Variants in KCNJ3 observed in about 807,000 individuals in gnomAD.
The protein encoded by KCNJ3 is potassium inwardly rectifying channel subfamily J member 3.
KCNJ3 carries 4 observed loss-of-function variants against 39.2 expected under a neutral mutation model. That is an observed-to-expected ratio of 0.10 (90% CI 0.05 to 0.23). KCNJ3 has a LOEUF of 0.23. Ranked by LOEUF, KCNJ3 falls within the 10% of genes least tolerant of loss-of-function variation. The pLI, the probability that KCNJ3 is intolerant of heterozygous loss-of-function variation, is 1.00. For synonymous variants in KCNJ3, 230 were observed against 237.4 expected, an observed-to-expected ratio of 0.97 and a Z score of 0.29; for missense variants, 276 against 634.9, an observed-to-expected ratio of 0.43 and a Z score of 6.08.
chr2:154,762,309 G>A (rs1198302978), intron 2 of KCNJ3, among the ~76,000 whole-genome samples: 2 of 152,198 alleles, frequency 1.3e-5, no homozygotes, highest in East Asian at 3.8e-4. Context: ...TTAATATTAT[G>A]TATCAAATAA....
chr2:154,731,501 C>T (rs964444415), intron 2 of KCNJ3, among the ~76,000 whole-genome samples: 1 of 151,602 alleles, frequency 6.6e-6, no homozygotes, highest in African/African-American at 2.4e-5. Flanking sequence ...CTGAAATGTA[C>T]AAGTTATGTA....
intron 2 of KCNJ3, among the ~76,000 whole-genome samples, chr2:154,728,018 T>A (rs1685389387): frequency 6.6e-6 from 1 of 151,756 alleles, no homozygotes; most frequent in Non-Finnish European, 1.5e-5. Context: ...TGAAGTTCCA[T>A]AATGTGAAAA....
intron 2 of KCNJ3, among the ~76,000 whole-genome samples, chr2:154,801,790 C>G (rs1665141641): frequency 6.6e-6 from 1 of 151,974 alleles, no homozygotes; most frequent in South Asian, 2.1e-4. Context: ...CCACACCTGG[C>G]TAATTTTTGT....
At chr2:154,790,443 C>T (rs1403237631) in intron 2 of KCNJ3, among the ~76,000 whole-genome samples, 1 of 152,022 alleles carries the variant, frequency 6.6e-6, no homozygotes, top group African/African-American at 2.4e-5. Context: ...CTCTTACATA[C>T]TTATTCTGAA....
At chr2:154,781,734 C>G (rs1686442198) in intron 2 of KCNJ3, among the ~76,000 whole-genome samples, 1 of 152,052 alleles carries the variant, frequency 6.6e-6, no homozygotes, top group African/African-American at 2.4e-5. Context: ...TTTTTACTTG[C>G]CCGAACCATT....
rs62170777 is a variant in KCNJ3, at chr2:154,700,794, A to C, written c.702+1317A>C. 7.8e-3 allele frequency among the ~76,000 whole-genome samples: 1,186 copies of C among 152,292 alleles called. 6 individuals are homozygous for C. Among genetic ancestry groups the C allele is most frequent in the Non-Finnish European group, 0.013 (894 of 68,020 alleles). The stretch of plus-strand genomic sequence containing the variant: ...ATCTTACCATAATTATCCTTGACCA[A>C]GTTGCTCAGTAAAGTGTTTAAATTA... On this transcript the variant is annotated intron_variant, in intron 1 of 2. Coordinates refer to ENST00000295101, the MANE Select transcript of KCNJ3 (RefSeq NM_002239.4).
intron 2 of KCNJ3, among the ~76,000 whole-genome samples, chr2:154,756,604 AGTGAGAACTT>A (rs1006346131): frequency 4.9e-4 from 71 of 145,250 alleles, no homozygotes; most frequent in Non-Finnish European, 3.0e-4. Context: ...CCCACTTATT[AGTGAGAACTT>A]GTGGTGTTTG....
chr2:154,743,086 A>T (rs1032503931), intron 2 of KCNJ3, among the ~76,000 whole-genome samples: 1 of 151,632 alleles, frequency 6.6e-6, no homozygotes, highest in African/African-American at 2.4e-5. Flanking sequence ...TTACATGTGG[A>T]TATCAGGTTT....
chr2:154,784,573 G>A (rs1005677746), intron 2 of KCNJ3, among the ~76,000 whole-genome samples: 1 of 152,096 alleles, frequency 6.6e-6, no homozygotes, highest in African/African-American at 2.4e-5. Flanking sequence ...AGTAGAGACA[G>A]CGTTTCACCA....
chr2:154,808,081 A>C lies in KCNJ3; in HGVS notation c.920-46646A>C, dbSNP rs547578308. ...AATGGAAGAGGGATAAGGGCATTTAAATTTTTTTTTTTTTTTTGAGACATA... is the reference window on the plus strand; with the variant it reads ...AATGGAAGAGGGATAAGGGCATTTACATTTTTTTTTTTTTTTTGAGACATA... On this transcript the variant is annotated intron_variant, in intron 2 of 2. Transcript: ENST00000295101. Among the ~76,000 whole-genome samples, 941 of 151,306 alleles carry C rather than the reference A, an allele frequency of 6.2e-3. 5 individuals are homozygous for C. The highest frequency in any genetic ancestry group is 0.011 in the African/African-American group (449 of 41,110).
chr2:154,766,803 C>A (rs1272601300), intron 2 of KCNJ3, among the ~76,000 whole-genome samples: 3 of 152,118 alleles, frequency 2.0e-5, no homozygotes, highest in Non-Finnish European at 2.9e-5. Context: ...ACCCGCCCAC[C>A]TCGGCCACCG....
At chr2:154,844,101 A>ATGTT (rs1373057510) in intron 2 of KCNJ3, among the ~76,000 whole-genome samples, 1 of 152,016 alleles carries the variant, frequency 6.6e-6, no homozygotes, top group Non-Finnish European at 1.5e-5. Flanking sequence ...TTGGTCTTTG[A>ATGTT]TGTTGGTGAG....
At chr2:154,814,621 G>C (rs1033349627) in intron 2 of KCNJ3, among the ~76,000 whole-genome samples, 13 of 151,926 alleles carry the variant, frequency 8.6e-5, no homozygotes, top group African/African-American at 2.9e-4. Flanking sequence ...TGGGCAACAA[G>C]AGCAAGACTC....
At chr2:154,818,363 C>T (rs977892748) in intron 2 of KCNJ3, among the ~76,000 whole-genome samples, 1 of 151,904 alleles carries the variant, frequency 6.6e-6, no homozygotes. Context: ...TTTATTTTGA[C>T]ACAAACTAGT....
At chr2:154,738,125 C>T (rs1024883205) in intron 2 of KCNJ3, among the ~76,000 whole-genome samples, 3 of 152,020 alleles carry the variant, frequency 2.0e-5, no homozygotes, top group Non-Finnish European at 4.4e-5. Flanking sequence ...TTTGCAACAA[C>T]ATGGATGGAA....
At chr2:154,853,134 G>A (rs1341926426) in intron 2 of KCNJ3, among the ~76,000 whole-genome samples, 1 of 149,550 alleles carries the variant, frequency 6.7e-6, no homozygotes, top group African/African-American at 2.5e-5. Flanking sequence ...CCATATTGAG[G>A]ATTAGAATGG....
intron 2 of KCNJ3, among the ~76,000 whole-genome samples, chr2:154,747,420 A>G (rs556749038): frequency 1.3e-5 from 2 of 152,152 alleles, no homozygotes; most frequent in East Asian, 3.9e-4. Context: ...ATATTTATAA[A>G]ACTTATATAA....
At chr2:154,845,670 T>G (rs1687651851) in intron 2 of KCNJ3, among the ~76,000 whole-genome samples, 1 of 152,064 alleles carries the variant, frequency 6.6e-6, no homozygotes, top group Non-Finnish European at 1.5e-5. Flanking sequence ...GGAATAATAA[T>G]CAGTTGAAAG....
chr2:154,794,954 CT>C lies in KCNJ3; in HGVS notation c.920-59772del, dbSNP rs1302724686. On this transcript the variant is annotated intron_variant, in intron 2 of 2. Coordinates refer to ENST00000295101, the MANE Select transcript of KCNJ3 (RefSeq NM_002239.4). ...AATACTCAACAGTGTATGCCAAGCA[CT>C]GTTTAATTAGACATAAAAATGAGAA... Among the ~76,000 whole-genome samples, 8 of 152,014 alleles carry C rather than the reference CT, an allele frequency of 5.3e-5. No individual in the cohort carries two copies. In the East Asian group the frequency reaches 1.5e-3, roughly 29 times the overall value.
Sources: allele counts gnomAD v4.1 joint callset (sites outside exome capture counted in the v4.1 genomes callset), GRCh38; gene constraint gnomAD v4.1.1; transcripts MANE v1.5; gene names NCBI Gene and HGNC (gene_info 2026-07-23, HGNC 2026-07-21).